PCDHGA2: variants seen among roughly 807,000 people sequenced by gnomAD.
The protein encoded by PCDHGA2 is protocadherin gamma-A2.
A neutral mutation model predicts 59.2 loss-of-function variants in PCDHGA2; 40 were observed. That is an observed-to-expected ratio of 0.68 (90% CI 0.52 to 0.88). PCDHGA2 has a LOEUF of 0.88. PCDHGA2 is among the 40% of genes least tolerant of loss of function. The pLI is 0.00. For missense variants in PCDHGA2, 1,226 were observed against 1,204.0 expected (o/e 1.02, Z -0.27); for synonymous variants, 560 against 526.0 (o/e 1.06, Z -0.89).
Position 141,490,330 on chromosome 5 carries a change from C to T in PCDHGA2, c.2425-4477C>T, listed in dbSNP as rs2099698666. ...GGCCAACCCTGTCCTAGAGAGCACA[C>T]CAGTGGGCACAGTAGTGGGGTTGTT... is the stretch of plus-strand genomic sequence containing the variant. On this transcript the variant is annotated intron_variant, in intron 1 of 3. Transcript: ENST00000394576. The surrounding 1 kb of genome is among the most constrained non-coding windows in gnomAD (Gnocchi z 5.4). 6.2e-7 allele frequency: 1 copy of T among 1,614,080 alleles called. No individual in the cohort carries two copies. Among genetic ancestry groups the T allele is most frequent in the Non-Finnish European group, 8.5e-7 (1 of 1,180,042 alleles).
At chr5:141,457,647 T>C (rs929739178) in intron 1 of PCDHGA2, among the ~76,000 whole-genome samples, 6 of 152,256 alleles carry the variant, frequency 3.9e-5, no homozygotes, top group Non-Finnish European at 8.8e-5. Context: ...ATTATTTGCA[T>C]GAAGTGCAGC....
chr5:141,503,400 A>C (rs2099819725), intron 2 of PCDHGA2, among the ~76,000 whole-genome samples: 1 of 151,750 alleles, frequency 6.6e-6, no homozygotes, highest in Non-Finnish European at 1.5e-5. Context: ...TTCGAAACCA[A>C]CCTGGCCAAT....
chr5:141,371,011 C>G, intron 1 of PCDHGA2: 4 of 1,613,966 alleles, frequency 2.5e-6, no homozygotes, highest in Non-Finnish European at 3.4e-6. Context: ...GAAGAGCAGC[C>G]ACATCACCAC....
rs1487270083 is a variant in PCDHGA2, at chr5:141,402,944, G to T, written c.2424+61549G>T. ...GATCCTTTTGAGAAAATTCCAAAGC[G>T]AGGCAGCAATGGCAGCTCCAACCAA... is the stretch of plus-strand genomic sequence containing the variant. On this transcript the variant is annotated intron_variant, in intron 1 of 3. Transcript: ENST00000394576. The T allele has an allele frequency of 3.8e-6, 6 of 1,592,018 alleles. No individual in the cohort carries two copies. The African/African-American group carries it at 8.1e-5, about 22-fold the overall frequency.
Position 141,339,341 on chromosome 5 carries a change from A to G in PCDHGA2, c.370A>G (p.Thr124Ala), listed in dbSNP as rs538701078. 9.3e-6 allele frequency: 15 copies of G among 1,614,258 alleles called. No homozygotes were observed. In the South Asian group the frequency reaches 1.5e-4, roughly 17 times the overall value. ...TATTTATTCAGTAGAGGTGGAAATA[A>G]CAGATATTAACGATAATGCCCCTCG... ...LTIYSVEVEI[T>A]DINDNAPRFG... is the part of the protein sequence containing the mutation. The change falls in exon 1 of 4, where the codon ACA becomes GCA. Residue 124 changes from threonine to alanine, a missense_variant. Coordinates refer to ENST00000394576, the MANE Select transcript of PCDHGA2 (RefSeq NM_018915.4).
chr5:141,340,219 C>T lies in PCDHGA2; in HGVS notation c.1248C>T (p.Ser416=). ...GAGCCCTTGACAGGGAACAGTTTTC[C>T]TTTTACAACATCACTCTAACCGCTA... is the stretch of plus-strand genomic sequence containing the variant. ...TTRALDREQF[S]FYNITLTAKD... The change falls in exon 1 of 4, where the codon TCC becomes TCT. Residue 416 remains serine, a synonymous_variant. Transcript: ENST00000394576. 1 of 1,614,152 alleles carries T rather than the reference C, an allele frequency of 6.2e-7. No individual in the cohort carries two copies. The highest frequency in any genetic ancestry group is 8.5e-7 in the Non-Finnish European group (1 of 1,180,022).
chr5:141,388,374 A>G (rs1169150224), intron 1 of PCDHGA2: 1 of 1,614,020 alleles, frequency 6.2e-7, no homozygotes, highest in South Asian at 1.1e-5. Flanking sequence ...GGATATTGGT[A>G]GCAACACACT....
chr5:141,453,266 A>G (rs1322091044), intron 1 of PCDHGA2, among the ~76,000 whole-genome samples: 4 of 151,838 alleles, frequency 2.6e-5, no homozygotes. Flanking sequence ...AGTGCACACC[A>G]CCATGACTGG....
chr5:141,422,276 T>G, intron 1 of PCDHGA2: 3 of 1,558,820 alleles, frequency 1.9e-6, no homozygotes, highest in South Asian at 1.3e-5. Context: ...GAAATAACTA[T>G]CACCTCTTCT....
chr5:141,407,651 G>A (rs1005294855), intron 1 of PCDHGA2, among the ~76,000 whole-genome samples: 1 of 151,926 alleles, frequency 6.6e-6, no homozygotes, highest in African/African-American at 2.4e-5. Flanking sequence ...AATAATGGGG[G>A]AGCGCAGTAT....
chr5:141,400,579 A>G (rs748573702), intron 1 of PCDHGA2: 2 of 1,610,854 alleles, frequency 1.2e-6, no homozygotes, highest in Non-Finnish European at 1.7e-6. Flanking sequence ...TTCTGTATTT[A>G]CATGAAACTA....
Position 141,338,943 on chromosome 5 carries a change from G to T in PCDHGA2, c.-29G>T. 1 of 1,523,058 alleles carries T rather than the reference G, an allele frequency of 6.6e-7. No individual in the cohort carries two copies. Among genetic ancestry groups the T allele is most frequent in the South Asian group, 1.3e-5 (1 of 76,058 alleles). 94.3% of individuals were successfully genotyped at this position (1,523,058 alleles called of 1,614,324 possible). ...GAATCCGCACTGGATGCTGGAAGTTGACTCGGAGAAAATTGCGACAGGAGG... is the reference window on the plus strand; with the variant it reads ...GAATCCGCACTGGATGCTGGAAGTTTACTCGGAGAAAATTGCGACAGGAGG... On this transcript the variant is annotated 5_prime_UTR_variant, in exon 1 of 4. Transcript: ENST00000394576.
intron 1 of PCDHGA2, among the ~76,000 whole-genome samples, chr5:141,435,134 A>G (rs1190517186): frequency 6.6e-6 from 1 of 152,190 alleles, no homozygotes; most frequent in Non-Finnish European, 1.5e-5. Context: ...GAAAATATAA[A>G]TAAAATTGTG....
chr5:141,388,310 A>G, intron 1 of PCDHGA2: 1 of 1,613,880 alleles, frequency 6.2e-7, no homozygotes, highest in Non-Finnish European at 8.5e-7. Flanking sequence ...AGCTGCAAAT[A>G]AGTGAGTCTG....
rs542816387 is a variant in PCDHGA2, at chr5:141,394,624, T to G, written c.2424+53229T>G. ...AGAGACTCGGGCCAGAACGCCTGGC[T>G]GTCCTACCGCCTGCTCAAGGCCAGC... On this transcript the variant is annotated intron_variant, in intron 1 of 3. Transcript: ENST00000394576. 2.5e-6 allele frequency: 4 copies of G among 1,613,110 alleles called. No individual in the cohort carries two copies. The South Asian group carries it at 3.3e-5, about 13-fold the overall frequency.
intron 1 of PCDHGA2, chr5:141,423,660 G>T (rs765304048): frequency 1.3e-6 from 2 of 1,560,582 alleles, no homozygotes; most frequent in Non-Finnish European, 8.6e-7. Context: ...CAAGTAATCA[G>T]GTGAGATTTA....
chr5:141,481,871 G>A (rs372191396), intron 1 of PCDHGA2, among the ~76,000 whole-genome samples: 73 of 144,864 alleles, frequency 5.0e-4, no homozygotes, highest in Non-Finnish European at 9.7e-4. Context: ...CCGAGATCGC[G>A]CCACTGCACT....
chr5:141,455,822 CCCCTTTTCCTGT>C (rs2098832641), intron 1 of PCDHGA2, among the ~76,000 whole-genome samples: 2 of 151,688 alleles, frequency 1.3e-5, no homozygotes, highest in African/African-American at 4.8e-5. Flanking sequence ...TTCCCAAGGA[CCCCTTTTCCTGT>C]CTATCTGCAT....
At chr5:141,403,306 A>C in intron 1 of PCDHGA2, 1 of 1,613,908 alleles carries the variant, frequency 6.2e-7, no homozygotes, top group Non-Finnish European at 8.5e-7. Context: ...AACTGTACGG[A>C]ATAGAAATAG....
Sources: gnomAD v4.1 joint callset for allele counts (sites outside exome capture counted in the v4.1 genomes callset) on GRCh38, gnomAD v4.1.1 for gene constraint, Gnocchi (gnomAD v3.1) non-coding constraint, MANE v1.5 for transcripts, NCBI Gene and HGNC (gene_info 2026-07-23, HGNC 2026-07-21) for gene names.